The following BRSK2 variants were observed in gnomAD, a reference collection of about 807,000 sequenced individuals.
BRSK2 encodes serine/threonine-protein kinase BRSK2.
In BRSK2, 19 loss-of-function variants were observed where a neutral mutation model predicts 83.3. The observed-to-expected ratio is 0.23, with a 90% CI of 0.16 to 0.33. The LOEUF is 0.33. BRSK2 is among the 10% of genes least tolerant of loss of function. BRSK2 has a pLI of 1.00. For missense variants in BRSK2, 798 were observed against 1,042.3 expected (o/e 0.77, Z 3.23); for synonymous variants, 519 against 435.4 (o/e 1.19, Z -2.39).
chr11:1,458,612 C>G (rs996258567), intron 18 of BRSK2, among the ~76,000 whole-genome samples: 5 of 152,190 alleles, frequency 3.3e-5, no homozygotes, highest in African/African-American at 1.2e-4. Flanking sequence ...AGTGAGCAGG[C>G]ACAGGCAGAC....
At chr11:1,415,847 GCCT>G (rs1848045279) in intron 1 of BRSK2, among the ~76,000 whole-genome samples, 1 of 152,268 alleles carries the variant, frequency 6.6e-6, no homozygotes, top group Non-Finnish European at 1.5e-5. Context: ...CTCCACCACG[GCCT>G]CCTCGGCCAC....
At chr11:1,391,625 C>A (rs1214946004) in intron 1 of BRSK2, among the ~76,000 whole-genome samples, 1 of 152,162 alleles carries the variant, frequency 6.6e-6, no homozygotes, top group East Asian at 1.9e-4. Context: ...AGGACCTGGG[C>A]AGGTGGGGTG....
At chr11:1,427,854 A>T (rs546230331) in intron 1 of BRSK2, among the ~76,000 whole-genome samples, 94 of 152,116 alleles carry the variant, frequency 6.2e-4, no homozygotes, top group Non-Finnish European at 8.4e-4. Context: ...AGGGCCTCTC[A>T]CAGCACACTC....
chr11:1,402,073 T>C (rs1367040922), intron 1 of BRSK2, among the ~76,000 whole-genome samples: 7 of 152,162 alleles, frequency 4.6e-5, no homozygotes, highest in Non-Finnish European at 1.0e-4. Flanking sequence ...TCTCTGTCTT[T>C]AACTTACAGG....
chr11:1,414,947 C>T (rs934730948), intron 1 of BRSK2, among the ~76,000 whole-genome samples: 20 of 152,182 alleles, frequency 1.3e-4, no homozygotes, highest in South Asian at 2.1e-4. Flanking sequence ...CCACGTTGTT[C>T]GCCTATCATC....
intron 1 of BRSK2, among the ~76,000 whole-genome samples, chr11:1,395,649 G>C (rs763174721): frequency 3.3e-5 from 5 of 152,304 alleles, no homozygotes; most frequent in South Asian, 2.1e-4. Flanking sequence ...CCCTGTTGAC[G>C]TGGGTCTCCC....
chr11:1,420,947 G>C (rs566623943), intron 1 of BRSK2, among the ~76,000 whole-genome samples: 1 of 152,344 alleles, frequency 6.6e-6, no homozygotes, highest in African/African-American at 2.4e-5. Context: ...CCTCTGGCTG[G>C]GTGCTGGCAA....
chr11:1,395,723 C>CGTGCTGGCT (rs1846035244), intron 1 of BRSK2, among the ~76,000 whole-genome samples: 1 of 150,852 alleles, frequency 6.6e-6, no homozygotes, highest in African/African-American at 2.5e-5. Context: ...CGGCCCTGAT[C>CGTGCTGGCT]GTGCTGGCCG....
intron 15 of BRSK2, among the ~76,000 whole-genome samples, chr11:1,451,721 G>A (rs1287435262): frequency 3.9e-5 from 6 of 152,168 alleles, no homozygotes; most frequent in Middle Eastern, 3.2e-3. Flanking sequence ...GCCTGAGCTC[G>A]CCAAGGGCAG....
chr11:1,426,676 A>C (rs1273883304), intron 1 of BRSK2, among the ~76,000 whole-genome samples: 1 of 151,948 alleles, frequency 6.6e-6, no homozygotes, highest in Non-Finnish European at 1.5e-5. Flanking sequence ...CTCACCTGTG[A>C]GGTGTCCTCC....
At chr11:1,417,535 A>AGAGTGGGTCACACTGTGTCC (rs1564814530) in intron 1 of BRSK2, among the ~76,000 whole-genome samples, 1 of 142,508 alleles carries the variant, frequency 7.0e-6, no homozygotes. Context: ...ACACTGTGTC[A>AGAGTGGGTCACACTGTGTCC]TGCTTCTGTG....
Position 1,454,083 on chromosome 11 carries a change from C to A in BRSK2, c.1545-402C>A, listed in dbSNP as rs1846153028. The A allele has an allele frequency of 6.0e-6, 1 of 166,938 alleles. No individual in the cohort carries two copies. Among genetic ancestry groups the A allele is most frequent in the African/African-American group, 2.4e-5 (1 of 41,726 alleles). The allele number at this position is 166,938 out of a possible 1,614,324, so 10.3% of individuals were successfully genotyped here. A position where few individuals can be genotyped will look rare whatever the true frequency, so the allele number is the denominator to read the frequency against. ...TGTTGGAAGCGAGTTGCAGGCCCCGCCTGCTCCTGGGGGTGGGGGGCACAG... is the reference window on the plus strand; with the variant it reads ...TGTTGGAAGCGAGTTGCAGGCCCCGACTGCTCCTGGGGGTGGGGGGCACAG... On this transcript the variant is annotated intron_variant, in intron 15 of 19. Coordinates refer to ENST00000528841, the MANE Select transcript of BRSK2 (RefSeq NM_001256627.2). This position sits in a 1 kb window ranked among gnomAD's most constrained non-coding sequence, Gnocchi z 5.2.
intron 1 of BRSK2, among the ~76,000 whole-genome samples, chr11:1,403,744 A>G (rs1465240190): frequency 6.6e-6 from 1 of 151,580 alleles, no homozygotes; most frequent in Non-Finnish European, 1.5e-5. Flanking sequence ...CTGGTGAGAC[A>G]GAAGTGGGCT....
chr11:1,408,812 GGTGTGT>G (rs752611597), intron 1 of BRSK2, among the ~76,000 whole-genome samples: 7 of 143,154 alleles, frequency 4.9e-5, no homozygotes, highest in East Asian at 2.1e-4. Flanking sequence ...TGCCTGTGCT[GGTGTGT>G]GTGTGTGTGT....
intron 1 of BRSK2, among the ~76,000 whole-genome samples, chr11:1,414,587 A>G (rs566702935): frequency 6.6e-6 from 1 of 152,364 alleles, no homozygotes; most frequent in African/African-American, 2.4e-5. Context: ...AGGGTGATAA[A>G]AAGTAGACTG....
intron 1 of BRSK2, among the ~76,000 whole-genome samples, chr11:1,416,741 C>G (rs375908665): frequency 6.6e-6 from 1 of 152,096 alleles, no homozygotes; most frequent in Non-Finnish European, 1.5e-5. Context: ...TTGTGTGTTT[C>G]GCAGTGACCC....
intron 1 of BRSK2, among the ~76,000 whole-genome samples, chr11:1,418,664 G>T (rs10833655): frequency 0.2 from 30,212 of 151,706 alleles, 3,256 homozygotes; most frequent in East Asian, 0.35. Context: ...TTTGGAGGGG[G>T]TCCCATTTCC....
chr11:1,434,148 G>C (rs1164373790), intron 1 of BRSK2, among the ~76,000 whole-genome samples: 1 of 152,242 alleles, frequency 6.6e-6, no homozygotes, highest in Admixed American at 6.5e-5. Flanking sequence ...CAGGAAAGGA[G>C]CCCAGAGCAC....
At position 1,444,959 on chromosome 11, in the gene BRSK2, C is replaced by G. The variant is rs780284612; in HGVS notation, c.781-12C>G. The G allele has an allele frequency of 6.2e-7, 1 of 1,612,250 alleles. No homozygotes were observed. On this transcript the variant is annotated splice_polypyrimidine_tract_variant and intron_variant, in intron 8 of 19. Coordinates refer to ENST00000528841, the MANE Select transcript of BRSK2 (RefSeq NM_001256627.2). ...TCGTCCGTACTAACTCCCTGTTTCT[C>G]TTTCCTTGTAGCTAGAGCACATTCA...
Sources: allele counts gnomAD v4.1 joint callset (sites outside exome capture counted in the v4.1 genomes callset), GRCh38; gene constraint gnomAD v4.1.1; non-coding constraint Gnocchi (gnomAD v3.1); transcripts MANE v1.5; gene names NCBI Gene and HGNC (gene_info 2026-07-23, HGNC 2026-07-21).